The following UGT2B17 variants were observed in gnomAD, a reference collection of about 807,000 sequenced individuals.
UGT2B17 encodes UDP-glucuronosyltransferase 2B17.
UGT2B17 carries 21 observed loss-of-function variants against 48.2 expected under a neutral mutation model. That is an observed-to-expected ratio of 0.44 (90% confidence interval 0.31 to 0.63). The LOEUF is 0.63. Among genes scored for constraint, UGT2B17 ranks in the 20% least tolerant of loss-of-function variants. The pLI, the probability that UGT2B17 is intolerant of heterozygous loss-of-function variation, is 0.08. For missense variants in UGT2B17, 402 were observed against 696.1 expected (o/e 0.58, Z 4.75); for synonymous variants, 146 against 238.4 (o/e 0.61, Z 3.57).
In UGT2B17 at chr4:68,562,483, G is replaced by A. The variant is rs1731122528; in HGVS notation, c.874-1815C>T. Among the ~76,000 whole-genome samples, 3 of 125,910 alleles carry A rather than the reference G, an allele frequency of 2.4e-5. 1 individual carries two copies. Among genetic ancestry groups the A allele is most frequent in the African/African-American group, 8.1e-5 (3 of 36,858 alleles). The allele number at this position is 125,910 out of a possible 152,430, so 82.6% of individuals were successfully genotyped here. On this transcript the variant is annotated intron_variant, in intron 3 of 6. Coordinates refer to ENST00000317746, the MANE Select transcript of UGT2B17 (RefSeq NM_001077.4). ...AATTCATGAGGCATCCAGGAACTCA[G>A]TGTAATTGCAGTTGCCTGTAGCCAC... is the stretch of plus-strand genomic sequence containing the variant.
chr4:68,572,120 A>G (rs1731304575), intron 1 of UGT2B17, among the ~76,000 whole-genome samples: 2 of 125,886 alleles, frequency 1.6e-5, no homozygotes, highest in African/African-American at 5.4e-5. Flanking sequence ...ACCAGTATTG[A>G]CACATCTCAC....
chr4:68,539,783 C>CT (rs869200519), intron 6 of UGT2B17, among the ~76,000 whole-genome samples: 2,693 of 93,734 alleles, frequency 0.029, 429 homozygotes, highest in East Asian at 0.087. Context: ...TACATATAAT[C>CT]TTTTTTTTTT....
rs7436240 is a variant in UGT2B17 at position 68,576,071 on chromosome 4, C to G, written c.-185G>C. 0.32 allele frequency among the ~76,000 whole-genome samples: 39,931 copies of G among 124,004 alleles called. 13,712 individuals are homozygous for G. Among genetic ancestry groups the G allele is most frequent in the Admixed American group, 0.47 (5,664 of 12,098 alleles). The allele number at this position is 124,004 out of a possible 152,430, so 81.4% of individuals were successfully genotyped here. A position where few individuals can be genotyped will look rare whatever the true frequency, so the allele number is the denominator to read the frequency against. On this transcript the variant is annotated 5_prime_UTR_variant, in exon 1 of 7. Coordinates refer to ENST00000317746, the MANE Select transcript of UGT2B17 (RefSeq NM_001077.4). ...TGAGGTGTTCCACTGGGGCAATTTC[C>G]TACCCAGGAGCGCTCTTTGGATCTC...
chr4:68,561,890 C>T (rs1267579383), intron 3 of UGT2B17, among the ~76,000 whole-genome samples: 1 of 122,392 alleles, frequency 8.2e-6, no homozygotes, highest in Non-Finnish European at 1.7e-5. Context: ...CTTTTTGTTG[C>T]TATTGTCCCT....
chr4:68,564,306 T>TTTTTTTTA (rs1731158062), intron 3 of UGT2B17, among the ~76,000 whole-genome samples: 1 of 114,240 alleles, frequency 8.8e-6, no homozygotes, highest in African/African-American at 3.1e-5. Context: ...TTTTTTTTTT[T>TTTTTTTTA]GAGACAGAGT....
Position 68,568,176 on chromosome 4 carries a change from T to C in UGT2B17, c.309A>G (p.Lys103=). 7.2e-7 allele frequency: 1 copy of C among 1,380,560 alleles called. No homozygotes were observed. Among genetic ancestry groups the C allele is most frequent in the Non-Finnish European group, 9.5e-7 (1 of 1,054,272 alleles). The allele number at this position is 1,380,560 out of a possible 1,614,324, so 85.5% of individuals were successfully genotyped here. The change falls in exon 2 of 7, where the codon AAA becomes AAG. Residue 103 remains lysine, a synonymous_variant. Coordinates refer to ENST00000317746, the MANE Select transcript of UGT2B17 (RefSeq NM_001077.4). ...GTGAAAAATATGACCAAAATGTATT[T>C]TTTGAAATACTATATGTCCATCTAT... ...MFDRWTYSIS[K]NTFWSYFSQL...
At chr4:68,545,922 G>A (rs1730794564) in intron 6 of UGT2B17, among the ~76,000 whole-genome samples, 2 of 125,652 alleles carry the variant, frequency 1.6e-5, no homozygotes, top group Non-Finnish European at 3.4e-5. Flanking sequence ...TGAAATTGAG[G>A]CAATAATTAA....
chr4:68,575,739 A>G (rs1731362854), intron 1 of UGT2B17, among the ~76,000 whole-genome samples: 1 of 126,322 alleles, frequency 7.9e-6, no homozygotes. Flanking sequence ...TCAAGTCAAA[A>G]CCAGATCAAA....
Position 68,541,609 on chromosome 4 carries a change from A to G in UGT2B17, c.1314-3705T>C, listed in dbSNP as rs1284629155. ...TTCTGTAGGTTGCCTGTGCCCTCTG[A>G]TGATGGTTTATTTTGCTGTGCAGAA... On this transcript the variant is annotated intron_variant, in intron 6 of 6. Transcript: ENST00000317746. Among the ~76,000 whole-genome samples, 4 of 125,792 alleles carry G rather than the reference A, an allele frequency of 3.2e-5. 2 individuals are homozygous for G. The East Asian group carries it at 3.0e-3, about 95-fold the overall frequency. The allele number at this position is 125,792 out of a possible 152,430, so 82.5% of individuals were successfully genotyped here. A position where few individuals can be genotyped will look rare whatever the true frequency, so the allele number is the denominator to read the frequency against.
At position 68,573,814 on chromosome 4, in the gene UGT2B17, C is replaced by A. The variant is rs926159776; in HGVS notation, c.-65+2137G>T. The stretch of plus-strand genomic sequence containing the variant: ...TTAAGCTCACTGCATCCTTTTAGGT[C>A]TCCAAGGAATGCTAAGTTTCCTCCC... On this transcript the variant is annotated intron_variant, in intron 1 of 6. Transcript: ENST00000317746. Among the ~76,000 whole-genome samples, 5 of 127,000 alleles carry A rather than the reference C, an allele frequency of 3.9e-5. 1 individual carries two copies. The highest frequency in any genetic ancestry group is 1.4e-4 in the African/African-American group (5 of 36,992). The allele number at this position is 127,000 out of a possible 152,430, so 83.3% of individuals were successfully genotyped here. A position where few individuals can be genotyped will look rare whatever the true frequency, so the allele number is the denominator to read the frequency against.
rs368506974 is a variant in UGT2B17, at chr4:68,574,759, A to G, written c.-65+1192T>C. Among the ~76,000 whole-genome samples, 13 of 126,456 alleles carry G rather than the reference A, an allele frequency of 1.0e-4. 6 individuals carry two copies. In the East Asian group the frequency reaches 7.6e-3, roughly 74 times the overall value. 83.0% of individuals were successfully genotyped at this position (126,456 alleles called of 152,430 possible). On this transcript the variant is annotated intron_variant, in intron 1 of 6. Coordinates refer to ENST00000317746, the MANE Select transcript of UGT2B17 (RefSeq NM_001077.4). ...ACTCAGGAGGCCTTATTACTTTTAA[A>G]TTATGCAACATTTTTTGCATAAAAT...
At position 68,541,287 on chromosome 4, in the gene UGT2B17, C is replaced by A. The variant is rs773245737; in HGVS notation, c.1314-3383G>T. Among the ~76,000 whole-genome samples, 97 of 126,258 alleles carry A rather than the reference C, an allele frequency of 7.7e-4. 19 individuals are homozygous for A. The highest frequency in any genetic ancestry group is 1.5e-3 in the Non-Finnish European group (89 of 59,636). The allele number at this position is 126,258 out of a possible 152,430, so 82.8% of individuals were successfully genotyped here. ...CAAAAATGTAAAAGTTTTCCTATAT[C>A]TCCCCAGTTTCACCAGCATCTGTTG... On this transcript the variant is annotated intron_variant, in intron 6 of 6. Transcript: ENST00000317746.
chr4:68,539,077 A>G (rs924609977), intron 6 of UGT2B17, among the ~76,000 whole-genome samples: 1 of 126,362 alleles, frequency 7.9e-6, no homozygotes, highest in Non-Finnish European at 1.7e-5. Flanking sequence ...AAAATATGTT[A>G]TATATCTTCC....
At chr4:68,560,741 A>T in intron 3 of UGT2B17, 73 bp from the exon 4 acceptor site, 1 of 1,208,930 alleles carries the variant, frequency 8.3e-7, no homozygotes, top group Non-Finnish European at 1.1e-6. Flanking sequence ...ATTGTTACAA[A>T]CATCTAAGAT....
At chr4:68,558,975 G>A (rs1002378148) in intron 4 of UGT2B17, among the ~76,000 whole-genome samples, 1 of 125,082 alleles carries the variant, frequency 8.0e-6, no homozygotes, top group Admixed American at 8.3e-5. Context: ...CAGATATTTG[G>A]GGTTCACAAG....
rs2109772868 is a variant in UGT2B17, at chr4:68,561,457, G to T, written c.874-789C>A. Among the ~76,000 whole-genome samples the T allele has an allele frequency of 1.6e-5, 2 of 124,532 alleles. 1 individual carries two copies. Among genetic ancestry groups the T allele is most frequent in the South Asian group, 7.7e-4 (2 of 2,604 alleles). The allele number at this position is 124,532 out of a possible 152,430, so 81.7% of individuals were successfully genotyped here. A position where few individuals can be genotyped will look rare whatever the true frequency, so the allele number is the denominator to read the frequency against. ...AAGTGATCTTATTTCTCAGATCATT[G>T]TTTAGGTATGACTATGATACCTTTT... On this transcript the variant is annotated intron_variant, in intron 3 of 6. Coordinates refer to ENST00000317746, the MANE Select transcript of UGT2B17 (RefSeq NM_001077.4).
intron 6 of UGT2B17, among the ~76,000 whole-genome samples, chr4:68,540,200 T>A (rs1730629584): frequency 7.9e-6 from 1 of 127,038 alleles, no homozygotes; most frequent in African/African-American, 2.7e-5. Context: ...CACACACATA[T>A]AACACATAGG....
rs546167578 is a variant in UGT2B17 at position 68,539,671 on chromosome 4, T to C, written c.1314-1767A>G. Among the ~76,000 whole-genome samples the C allele has an allele frequency of 4.6e-4, 57 of 124,344 alleles. 20 individuals are homozygous for C. In the South Asian group the frequency reaches 0.021, roughly 45 times the overall value. The allele number at this position is 124,344 out of a possible 152,430, so 81.6% of individuals were successfully genotyped here. ...TTCTGGATGATTTATAATTTGATTCTAGTATGACTAGAACATACTATTTTT... is the reference window on the plus strand; with the variant it reads ...TTCTGGATGATTTATAATTTGATTCCAGTATGACTAGAACATACTATTTTT... On this transcript the variant is annotated intron_variant, in intron 6 of 6. Coordinates refer to ENST00000317746, the MANE Select transcript of UGT2B17 (RefSeq NM_001077.4).
At chr4:68,566,219 GTCA>G (rs1200681325) in intron 2 of UGT2B17, among the ~76,000 whole-genome samples, 7 of 119,224 alleles carry the variant, frequency 5.9e-5, no homozygotes, top group African/African-American at 8.5e-5. Context: ...CATTTATATA[GTCA>G]TCATTTAATT....
Sources: allele counts gnomAD v4.1 joint callset (sites outside exome capture counted in the v4.1 genomes callset), GRCh38; gene constraint gnomAD v4.1.1; transcripts MANE v1.5; gene names NCBI Gene and HGNC (gene_info 2026-07-23, HGNC 2026-07-21).